Variants in CLMP observed in about 807,000 individuals in gnomAD.
The protein encoded by CLMP is CXADR like cell adhesion molecule.
CLMP carries 27 observed loss-of-function variants against 45.2 expected under a neutral mutation model. That is an observed-to-expected ratio of 0.60 (90% CI 0.44 to 0.82). The LOEUF (loss-of-function observed/expected upper bound fraction) is 0.82, where lower values mean the gene tolerates loss of function less well. Among genes scored for constraint, CLMP ranks in the 40% least tolerant of loss-of-function variants. The probability of loss-of-function intolerance (pLI) is 0.00; values close to 1 mark genes in which losing one functional copy is unlikely to be tolerated. For missense variants in CLMP, 403 were observed against 448.4 expected, an observed-to-expected ratio of 0.90 and a Z score of 0.91; for synonymous variants, 167 against 171.4, an observed-to-expected ratio of 0.97 and a Z score of 0.20.
At chr11:123,153,870 G>A (rs1861375960) in intron 1 of CLMP, among the ~76,000 whole-genome samples, 1 of 135,994 alleles carries the variant, frequency 7.4e-6, no homozygotes, top group African/African-American at 2.8e-5. Flanking sequence ...TTTTTTTTAA[G>A]AGATGGGGTT....
intron 1 of CLMP, among the ~76,000 whole-genome samples, chr11:123,160,581 T>C (rs1006912340): frequency 2.6e-5 from 4 of 152,294 alleles, no homozygotes; most frequent in South Asian, 2.1e-4. Flanking sequence ...AAGTCTCTGA[T>C]TGACTTGTTT....
In CLMP at chr11:123,123,126, C is replaced by T. The variant is rs931164945; in HGVS notation, c.29-25174G>A. On this transcript the variant is annotated intron_variant, in intron 1 of 6. Transcript: ENST00000448775. ...GGTCTTTAAAAGCCACTAAGCCACT[C>T]TGGTTTCTAGTCCAGGAATCAGCTT... 3.9e-5 allele frequency among the ~76,000 whole-genome samples: 6 copies of T among 152,084 alleles called. 1 individual carries two copies. Among genetic ancestry groups the T allele is most frequent in the Admixed American group, 1.3e-4 (2 of 15,264 alleles).
intron 1 of CLMP, among the ~76,000 whole-genome samples, chr11:123,142,017 C>T (rs1334572337): frequency 7.4e-6 from 1 of 135,904 alleles, no homozygotes; most frequent in Non-Finnish European, 1.5e-5. Context: ...CAGGGTCTCA[C>T]TTTGTCCCCC....
At chr11:123,188,495 G>A (rs542083251) in intron 1 of CLMP, among the ~76,000 whole-genome samples, 85 of 151,096 alleles carry the variant, frequency 5.6e-4, no homozygotes, top group African/African-American at 1.9e-3. Context: ...CTCTGCCACC[G>A]TTCGTGACCT....
intron 2 of CLMP, 34 bp downstream of exon 2, chr11:123,097,761 A>AAGG (rs774860551): frequency 6.7e-7 from 1 of 1,495,688 alleles, no homozygotes; most frequent in South Asian, 1.3e-5. Flanking sequence ...GGAGGACAAG[A>AAGG]AGGAGGAGGG....
rs140683020 is a variant in CLMP at position 123,185,533 on chromosome 11, G to A, written c.28+9380C>T. The stretch of plus-strand genomic sequence containing the variant: ...GCAGTGGAGCAGAGAAGGAGGCTGC[G>A]GAGAGGTGGCCTCGTTTCCGGCCTC... On this transcript the variant is annotated intron_variant, in intron 1 of 6. Coordinates refer to ENST00000448775, the MANE Select transcript of CLMP (RefSeq NM_024769.5). 5.5e-3 allele frequency among the ~76,000 whole-genome samples: 838 copies of A among 152,300 alleles called. 6 individuals are homozygous for A. The highest frequency in any genetic ancestry group is 0.019 in the African/African-American group (791 of 41,572).
At chr11:123,170,404 T>C (rs1861615170) in intron 1 of CLMP, among the ~76,000 whole-genome samples, 1 of 151,940 alleles carries the variant, frequency 6.6e-6, no homozygotes, top group Admixed American at 6.6e-5. Flanking sequence ...AGTTCCTCCT[T>C]TTGGCTAACT....
intron 1 of CLMP, among the ~76,000 whole-genome samples, chr11:123,150,749 C>T (rs887903551): frequency 9.2e-5 from 14 of 152,320 alleles, no homozygotes; most frequent in African/African-American, 3.1e-4. Flanking sequence ...TGGAGTCTCA[C>T]TCTGTCGCTC....
chr11:123,148,003 G>A (rs954213758), intron 1 of CLMP, among the ~76,000 whole-genome samples: 4 of 152,082 alleles, frequency 2.6e-5, no homozygotes, highest in African/African-American at 9.7e-5. Flanking sequence ...GAGCCAGACT[G>A]TGTAAATTCA....
At chr11:123,074,333 C>G (rs1246587994) in intron 6 of CLMP, among the ~76,000 whole-genome samples, 2 of 151,600 alleles carry the variant, frequency 1.3e-5, no homozygotes, top group Non-Finnish European at 2.9e-5. Flanking sequence ...GGCTACCATG[C>G]CTGGTTATTT....
chr11:123,182,599 T>C (rs1403699660), intron 1 of CLMP, among the ~76,000 whole-genome samples: 1 of 152,140 alleles, frequency 6.6e-6, no homozygotes, highest in Non-Finnish European at 1.5e-5. Context: ...TATTATATGC[T>C]TTACCCTCTG....
At chr11:123,123,421 G>A (rs981922528) in intron 1 of CLMP, among the ~76,000 whole-genome samples, 1 of 151,814 alleles carries the variant, frequency 6.6e-6, no homozygotes, top group Admixed American at 6.6e-5. Context: ...CACCACACTG[G>A]CTAATTTTTG....
intron 1 of CLMP, among the ~76,000 whole-genome samples, chr11:123,111,057 G>A (rs558311294): frequency 5.3e-5 from 8 of 152,194 alleles, no homozygotes; most frequent in South Asian, 2.1e-4. Context: ...AATGTGATGC[G>A]AAATATAAAA....
At chr11:123,176,703 C>T (rs1285336912) in intron 1 of CLMP, among the ~76,000 whole-genome samples, 1 of 152,198 alleles carries the variant, frequency 6.6e-6, no homozygotes, top group East Asian at 1.9e-4. Flanking sequence ...CAAGCCTTAC[C>T]TTTGCTTGGA....
rs575939356 is a variant in CLMP at position 123,103,262 on chromosome 11, C to T, written c.29-5310G>A. ...TGGCTTAACCCTGATCACTTTCCAC[C>T]GGACACAAAAATGCTCAAATGAAAC... On this transcript the variant is annotated intron_variant, in intron 1 of 6. Coordinates refer to ENST00000448775, the MANE Select transcript of CLMP (RefSeq NM_024769.5). Among the ~76,000 whole-genome samples the T allele has an allele frequency of 7.2e-5, 11 of 152,238 alleles. No homozygotes were observed. The South Asian group carries it at 1.0e-3, about 14-fold the overall frequency.
intron 1 of CLMP, among the ~76,000 whole-genome samples, chr11:123,127,197 C>A (rs991674691): frequency 6.6e-6 from 1 of 152,062 alleles, no homozygotes; most frequent in African/African-American, 2.4e-5. Context: ...TCTCAGCTCG[C>A]TGCAACCTGC....
intron 1 of CLMP, among the ~76,000 whole-genome samples, chr11:123,170,076 C>A (rs992495845): frequency 6.6e-6 from 1 of 152,070 alleles, no homozygotes; most frequent in African/African-American, 2.4e-5. Flanking sequence ...TCTCTTTGAT[C>A]AGGAAAAGGG....
chr11:123,158,846 A>T (rs1004488378), intron 1 of CLMP, among the ~76,000 whole-genome samples: 4 of 152,226 alleles, frequency 2.6e-5, no homozygotes, highest in African/African-American at 9.6e-5. Context: ...TACACAGCAC[A>T]CAAGGTAGTC....
At chr11:123,117,778 C>A (rs1265468721) in intron 1 of CLMP, among the ~76,000 whole-genome samples, 1 of 152,136 alleles carries the variant, frequency 6.6e-6, no homozygotes, top group Non-Finnish European at 1.5e-5. Flanking sequence ...GTGCGTGCCA[C>A]CCTGATAATA....
Sources: allele counts gnomAD v4.1 joint callset (sites outside exome capture counted in the v4.1 genomes callset), GRCh38; gene constraint gnomAD v4.1.1; transcripts MANE v1.5; gene names NCBI Gene and HGNC (gene_info 2026-07-23, HGNC 2026-07-21).